The following SESTD1 variants were observed in gnomAD, a reference collection of about 807,000 sequenced individuals.
SESTD1 encodes the protein SEC14 and spectrin domain containing 1, also known as SEC14 domain and spectrin repeat-containing protein 1.
A neutral mutation model predicts 101.7 loss-of-function variants in SESTD1; 43 were observed. The ratio of observed to expected loss-of-function variants is 0.42; its 90% CI spans 0.33 to 0.55. The LOEUF is 0.55. Ranked by LOEUF, SESTD1 falls within the 20% of genes least tolerant of loss-of-function variation. The pLI, the probability that SESTD1 is intolerant of heterozygous loss-of-function variation, is 0.07. For missense variants in SESTD1, 647 were observed against 815.1 expected, an observed-to-expected ratio of 0.79 and a Z score of 2.51; for synonymous variants, 283 against 286.8, an observed-to-expected ratio of 0.99 and a Z score of 0.13.
chr2:179,129,129 T>G (rs1251408398), intron 10 of SESTD1, among the ~76,000 whole-genome samples: 1 of 152,254 alleles, frequency 6.6e-6, no homozygotes, highest in African/African-American at 2.4e-5. Flanking sequence ...TGAGTCTTGA[T>G]TCGCCAGGTA....
At chr2:179,143,871 C>T in intron 8 of SESTD1, 68 bp from the exon 9 acceptor site, 1 of 1,517,456 alleles carries the variant, frequency 6.6e-7, no homozygotes, top group Non-Finnish European at 8.9e-7. Flanking sequence ...CTCAATATTC[C>T]CAATTCTAGT....
intron 1 of SESTD1, among the ~76,000 whole-genome samples, chr2:179,241,695 G>A (rs1301354974): frequency 6.6e-6 from 1 of 152,088 alleles, no homozygotes; most frequent in Non-Finnish European, 1.5e-5. Flanking sequence ...GGCCAAGGCA[G>A]GCAGATCACG....
At chr2:179,186,684 A>ATTT in intron 2 of SESTD1, among the ~76,000 whole-genome samples, 1 of 118,690 alleles carries the variant, frequency 8.4e-6, no homozygotes, top group Non-Finnish European at 1.7e-5. Context: ...TTTTCAGGGA[A>ATTT]TTTTTTTTTT....
intron 5 of SESTD1, among the ~76,000 whole-genome samples, 163 bp from the exon 6 acceptor site, chr2:179,151,554 T>C (rs1432438425): frequency 6.6e-6 from 1 of 152,184 alleles, no homozygotes; most frequent in South Asian, 2.1e-4. Flanking sequence ...CAATAAGTTA[T>C]AGATACCTGA....
intron 1 of SESTD1, among the ~76,000 whole-genome samples, chr2:179,242,754 G>A (rs2047173463): frequency 6.6e-6 from 1 of 152,172 alleles, no homozygotes; most frequent in South Asian, 2.1e-4. Context: ...GCCACGTGCA[G>A]AAGAATGAAA....
rs1222709712 is a variant in SESTD1, at chr2:179,105,363, C to T, written c.*4536G>A. The stretch of plus-strand genomic sequence containing the variant: ...AAAACAGATGATACTCATCACTTGT[C>T]TTCCATCTTGCTGTTCTATTATCTT... On this transcript the variant is annotated 3_prime_UTR_variant, in exon 18 of 18. Coordinates refer to ENST00000428443, the MANE Select transcript of SESTD1 (RefSeq NM_178123.5). The T allele has an allele frequency of 1.3e-5, 2 of 152,090 alleles. No individual in the cohort carries two copies. Among genetic ancestry groups the T allele is most frequent in the Non-Finnish European group, 2.9e-5 (2 of 68,014 alleles). 9.4% of individuals were successfully genotyped at this position (152,090 alleles called of 1,614,324 possible). A position where few individuals can be genotyped will look rare whatever the true frequency, so the allele number is the denominator to read the frequency against.
At chr2:179,128,716 A>C (rs1431877320) in intron 10 of SESTD1, among the ~76,000 whole-genome samples, 1 of 148,602 alleles carries the variant, frequency 6.7e-6, no homozygotes, top group Non-Finnish European at 1.5e-5. Flanking sequence ...CGAGAGAGCT[A>C]GACACTGTCT....
chr2:179,163,568 T>C (rs978589753), intron 5 of SESTD1, among the ~76,000 whole-genome samples: 1 of 147,014 alleles, frequency 6.8e-6, no homozygotes, highest in African/African-American at 2.6e-5. Flanking sequence ...ATTATATATA[T>C]ATATAAAAGA....
At chr2:179,202,349 TCTAA>T (rs1437912573) in intron 1 of SESTD1, among the ~76,000 whole-genome samples, 2 of 134,230 alleles carry the variant, frequency 1.5e-5, no homozygotes, top group Non-Finnish European at 3.2e-5. Context: ...TTCCTCCAAT[TCTAA>T]CTGTTATTAT....
rs534491597 is a variant in SESTD1 at position 179,108,565 on chromosome 2, A to C, written c.*1334T>G. ...CAAGAAGTCTGTCAGTCAGTGAAGA[A>C]GGCTGGAAAAACTAGCAGGTTAAAA... On this transcript the variant is annotated 3_prime_UTR_variant, in exon 18 of 18. Transcript: ENST00000428443. 145 of 151,896 alleles carry C rather than the reference A, an allele frequency of 9.5e-4. 1 individual carries two copies. Among genetic ancestry groups the C allele is most frequent in the African/African-American group, 3.2e-3 (132 of 41,454 alleles). The allele number at this position is 151,896 out of a possible 1,614,324, so 9.4% of individuals were successfully genotyped here.
intron 17 of SESTD1, among the ~76,000 whole-genome samples, chr2:179,111,050 TA>T (rs2044494981): frequency 6.6e-6 from 1 of 152,004 alleles, no homozygotes; most frequent in Admixed American, 6.6e-5. Context: ...CTGACATGGG[TA>T]GAACAGGAGA....
intron 5 of SESTD1, among the ~76,000 whole-genome samples, chr2:179,169,319 T>C (rs1368562610): frequency 1.3e-5 from 2 of 152,082 alleles, no homozygotes; most frequent in African/African-American, 2.4e-5. Context: ...ACAATGTACA[T>C]TTCAGAGCCA....
At chr2:179,158,157 C>T (rs2045665585) in intron 5 of SESTD1, among the ~76,000 whole-genome samples, 1 of 152,166 alleles carries the variant, frequency 6.6e-6, no homozygotes. Context: ...AAGGAATTCA[C>T]CACTCCAAGC....
intron 1 of SESTD1, among the ~76,000 whole-genome samples, chr2:179,240,228 A>C (rs1471939453): frequency 1.3e-5 from 2 of 152,300 alleles, no homozygotes; most frequent in South Asian, 2.1e-4. Flanking sequence ...ACAGATTAAG[A>C]AGCTCTCTGA....
rs926003859 is a variant in SESTD1, at chr2:179,105,175, C to G, written c.*4724G>C. On this transcript the variant is annotated 3_prime_UTR_variant, in exon 18 of 18. Transcript: ENST00000428443. Reference sequence around the variant, plus strand: ...AATTGTGGTCTTTTCATGCTTTGTTCTGTTTTTTTTTTTTTTTTAACCTCA... The same window carrying G: ...AATTGTGGTCTTTTCATGCTTTGTTGTGTTTTTTTTTTTTTTTTAACCTCA... The G allele has an allele frequency of 1.2e-3, 143 of 120,646 alleles. 1 individual carries two copies. Among genetic ancestry groups the G allele is most frequent in the African/African-American group, 5.1e-3 (129 of 25,138 alleles). The allele number at this position is 120,646 out of a possible 1,614,324, so 7.5% of individuals were successfully genotyped here.
Position 179,164,502 on chromosome 2 carries a change from A to G in SESTD1, c.369+7618T>C, listed in dbSNP as rs565086459. 2.6e-5 allele frequency among the ~76,000 whole-genome samples: 4 copies of G among 152,308 alleles called. No individual in the cohort carries two copies. In the East Asian group the frequency reaches 7.7e-4, roughly 29 times the overall value. Reference sequence around the variant, plus strand: ...TTTATCTTGTCATTAGACAGAATATAGACACTATCATCAAACCAGCAAAAC... The same window carrying G: ...TTTATCTTGTCATTAGACAGAATATGGACACTATCATCAAACCAGCAAAAC... On this transcript the variant is annotated intron_variant, in intron 5 of 17. Transcript: ENST00000428443.
At position 179,211,703 on chromosome 2, in the gene SESTD1, T is replaced by C. The variant is rs1312835164; in HGVS notation, c.-25-19837A>G. Among the ~76,000 whole-genome samples the C allele has an allele frequency of 1.5e-5, 2 of 134,750 alleles. 1 individual carries two copies. The highest frequency in any genetic ancestry group is 3.2e-5 in the Non-Finnish European group (2 of 62,722). The allele number at this position is 134,750 out of a possible 152,430, so 88.4% of individuals were successfully genotyped here. ...TAAAAACGAATGAAATAATGGCATT[T>C]ACAGCAACCTGGATGCAGATGGACA... On this transcript the variant is annotated intron_variant, in intron 1 of 17. Coordinates refer to ENST00000428443, the MANE Select transcript of SESTD1 (RefSeq NM_178123.5).
rs1356433694 is a variant in SESTD1 at position 179,124,556 on chromosome 2, T to C, written c.975A>G (p.Glu325=). The change falls in exon 11 of 18, where the codon GAA becomes GAG. Residue 325 remains glutamate (E), a splice_region_variant and synonymous_variant. Coordinates refer to ENST00000428443, the MANE Select transcript of SESTD1 (RefSeq NM_178123.5). ...TAAGTTCCACATACACTGCAAACCA[T>C]TCCTGTAATCAAGATGTTACAAAGT... is the stretch of plus-strand genomic sequence containing the variant. ...KHEEIESQHS[E]WFAVYVELNQ... is the part of the protein sequence containing the mutation. 6.2e-7 allele frequency: 1 copy of C among 1,611,314 alleles called. No homozygotes were observed. The highest frequency in any genetic ancestry group is 8.5e-7 in the Non-Finnish European group (1 of 1,177,882).
chr2:179,114,838 G>A (rs536677118), intron 16 of SESTD1, among the ~76,000 whole-genome samples: 2 of 152,302 alleles, frequency 1.3e-5, no homozygotes, highest in Admixed American at 6.5e-5. Context: ...AGACTACCAG[G>A]TGGTTCTGGA....
Sources: gnomAD v4.1 joint callset for allele counts (sites outside exome capture counted in the v4.1 genomes callset) on GRCh38, gnomAD v4.1.1 for gene constraint, MANE v1.5 for transcripts, NCBI Gene and HGNC (gene_info 2026-07-23, HGNC 2026-07-21) for gene names.